Variants in FLNC observed in about 807,000 individuals in gnomAD.
The protein encoded by FLNC is filamin-C.
Under a neutral mutation model 254.3 loss-of-function variants are expected in FLNC, and 91 were observed. The ratio of observed to expected loss-of-function variants is 0.36; its 90% CI spans 0.30 to 0.43. The LOEUF (loss-of-function observed/expected upper bound fraction) is 0.43. Ranked by LOEUF, FLNC falls within the 20% of genes least tolerant of loss-of-function variation. The pLI, the probability that FLNC is intolerant of heterozygous loss-of-function variation, is 1.00. For synonymous variants in FLNC, 1,430 were observed against 1,577.2 expected, an observed-to-expected ratio of 0.91 and a Z score of 2.21; for missense variants, 2,853 against 3,802.6, an observed-to-expected ratio of 0.75 and a Z score of 6.57.
At position 128,856,844 on chromosome 7, in the gene FLNC, G is replaced by A. The variant is rs757219498; in HGVS notation, c.7484G>A (p.Arg2495His). 10 of 1,614,078 alleles carry A rather than the reference G, an allele frequency of 6.2e-6. No homozygotes were observed. The highest frequency in any genetic ancestry group is 1.7e-5 in the Admixed American group (1 of 60,014). The change falls in exon 45 of 48, where the codon CGC becomes CAC. Residue 2495 changes from arginine to histidine, a missense_variant. Arg to His is a conservative substitution (Grantham distance 29). Transcript: ENST00000325888. This position sits in a 1 kb window ranked among gnomAD's most constrained non-coding sequence, Gnocchi z 5.9. ...ATCCCTGGAAGTCCCTTCAAGATCC[G>A]CGTTGGGGAGCAGAGCCAGGCTGGG... is the stretch of plus-strand genomic sequence containing the variant. ...AHIPGSPFKI[R>H]VGEQSQAGDP... is the part of the protein sequence containing the mutation.
In FLNC at chr7:128,836,746, C is replaced by T. The variant is rs1226317353; in HGVS notation, c.602-414C>T. 1.3e-5 allele frequency among the ~76,000 whole-genome samples: 2 copies of T among 152,190 alleles called. No individual in the cohort carries two copies. Among genetic ancestry groups the T allele is most frequent in the South Asian group, 4.1e-4 (2 of 4,828 alleles). On this transcript the variant is annotated intron_variant, in intron 2 of 47. Coordinates refer to ENST00000325888, the MANE Select transcript of FLNC (RefSeq NM_001458.5). This position sits in a 1 kb window ranked among gnomAD's most constrained non-coding sequence, Gnocchi z 6.0. The stretch of plus-strand genomic sequence containing the variant: ...TTCGGGGCAGCTGTGAGGAGGCCTT[C>T]TAGGGGGGATGGGTCAGGGGCATAT...
intron 26 of FLNC, 135 bp downstream of exon 26, chr7:128,848,203 C>A: frequency 1.7e-6 from 2 of 1,144,800 alleles, no homozygotes; most frequent in Non-Finnish European, 1.3e-6. Context: ...CTCGCCACCC[C>A]ATCCCGCTCT....
In FLNC at chr7:128,854,574, G is replaced by T. The variant is rs1420394583; in HGVS notation, c.6889G>T (p.Val2297Leu). Residue 2297 changes from valine (V) to leucine (L), a missense_variant, in exon 41 of 48, where the codon GTG becomes TTG. By Grantham distance (32) the Val-to-Leu change is conservative (BLOSUM62 1). Coordinates refer to ENST00000325888, the MANE Select transcript of FLNC (RefSeq NM_001458.5). ...CGCTGTCAAGTACCGTGGCCAGCAC[G>T]TGCCCGGCAGCCCCTTTCAGTTCAC... ...TVAVKYRGQH[V>L]PGSPFQFTVG... is the part of the protein sequence containing the mutation. 1 of 1,609,364 alleles carries T rather than the reference G, an allele frequency of 6.2e-7. No individual in the cohort carries two copies. Among genetic ancestry groups the T allele is most frequent in the Non-Finnish European group, 8.5e-7 (1 of 1,178,366 alleles).
chr7:128,846,258 G>A (rs2128936828), intron 22 of FLNC, 43 bp from the exon 23 acceptor site: 2 of 1,612,930 alleles, frequency 1.2e-6, no homozygotes, highest in Middle Eastern at 1.6e-4. Context: ...GGGGTGGTGG[G>A]GGCGCACACT....
intron 1 of FLNC, among the ~76,000 whole-genome samples, chr7:128,834,577 G>T (rs1046811898): frequency 6.9e-6 from 1 of 145,726 alleles, no homozygotes; most frequent in Middle Eastern, 3.4e-3. Flanking sequence ...TCCAATTTCA[G>T]TTCTTAAAAT....
chr7:128,842,506 C>G lies in FLNC; in HGVS notation c.2266-69C>G, dbSNP rs1010307408. The G allele has an allele frequency of 1.9e-6, 3 of 1,556,208 alleles. No individual in the cohort carries two copies. Among genetic ancestry groups the G allele is most frequent in the Non-Finnish European group, 2.6e-6 (3 of 1,150,412 alleles). On this transcript the variant is annotated intron_variant, in intron 14 of 47. Coordinates refer to ENST00000325888, the MANE Select transcript of FLNC (RefSeq NM_001458.5). This position sits in a 1 kb window ranked among gnomAD's most constrained non-coding sequence, Gnocchi z 5.4. ...TTGGGCTGGTGCCACTGAGGCTGGGCCGGGTGCGCTGGGCAGGAGGATGAG... is the reference window on the plus strand; with the variant it reads ...TTGGGCTGGTGCCACTGAGGCTGGGGCGGGTGCGCTGGGCAGGAGGATGAG...
At position 128,841,255 on chromosome 7, in the gene FLNC, G is replaced by A. The variant is rs553903798; in HGVS notation, c.1899G>A (p.Thr633=). ...DGSCDVRYWP[T]EPGEYAVHVI... is the part of the protein sequence containing the mutation. ...CCTGCGATGTGCGGTACTGGCCCAC[G>A]GAGCCTGGGGAGTACGCTGTGCACG... The change falls in exon 12 of 48, where the codon ACG becomes ACA. Residue 633 remains threonine (T), a synonymous_variant. Transcript: ENST00000325888. The surrounding 1 kb of genome is among the most constrained non-coding windows in gnomAD (Gnocchi z 4.3). 25 of 1,614,084 alleles carry A rather than the reference G, an allele frequency of 1.5e-5. No homozygotes were observed. The highest frequency in any genetic ancestry group is 5.5e-5 in the South Asian group (5 of 91,086).
chr7:128,843,795 G>A lies in FLNC; in HGVS notation c.2812-1G>A. On this transcript the variant is annotated splice_acceptor_variant, in intron 18 of 47. Transcript: ENST00000325888. LOFTEE classifies it high-confidence loss of function. Reference sequence around the variant, plus strand: ...TTCTGACCTACCATTGTACCCAACAGGGCAACATGGCAGTGACAGTGACTT... The same window carrying A: ...TTCTGACCTACCATTGTACCCAACAAGGCAACATGGCAGTGACAGTGACTT... 1 of 1,613,756 alleles carries A rather than the reference G, an allele frequency of 6.2e-7. No individual in the cohort carries two copies. Among genetic ancestry groups the A allele is most frequent in the Non-Finnish European group, 8.5e-7 (1 of 1,179,706 alleles).
Position 128,849,216 on chromosome 7 carries a change from T to G in FLNC, c.4951+12T>G, listed in dbSNP as rs1808701401. 6.2e-7 allele frequency: 1 copy of G among 1,613,974 alleles called. No homozygotes were observed. Among genetic ancestry groups the G allele is most frequent in the Non-Finnish European group, 8.5e-7 (1 of 1,180,030 alleles). ...AGGCCATGGCCTGGGTGAGTGCCCT[T>G]TCTCTCCTCTTCTTGGTGTGGGCCA... On this transcript the variant is annotated intron_variant, in intron 29 of 47. Coordinates refer to ENST00000325888, the MANE Select transcript of FLNC (RefSeq NM_001458.5).
At chr7:128,845,355 C>A in intron 21 of FLNC, 100 bp downstream of exon 21, 1 of 983,736 alleles carries the variant, frequency 1.0e-6, no homozygotes, top group Non-Finnish European at 1.6e-6. Context: ...GGAAGAGCAA[C>A]CTGGGGTGAA....
chr7:128,846,928 G>T (rs2128937071), intron 24 of FLNC, 23 bp downstream of exon 24: 1 of 1,614,066 alleles, frequency 6.2e-7, no homozygotes, highest in Non-Finnish European at 8.5e-7. Flanking sequence ...AGTGGTCGGG[G>T]TCTCAGGGAA....
Position 128,846,925 on chromosome 7 carries a change from G to C in FLNC, c.4288+20G>C. 1 of 1,614,050 alleles carries C rather than the reference G, an allele frequency of 6.2e-7. No individual in the cohort carries two copies. Among genetic ancestry groups the C allele is most frequent in the Non-Finnish European group, 8.5e-7 (1 of 1,179,948 alleles). On this transcript the variant is annotated intron_variant, in intron 24 of 47. Coordinates refer to ENST00000325888, the MANE Select transcript of FLNC (RefSeq NM_001458.5). The stretch of plus-strand genomic sequence containing the variant: ...TCCCAGGTGTGCAGAGAGAGTGGTC[G>C]GGGTCTCAGGGAAGACAAGGGAGGG...
At position 128,840,645 on chromosome 7, in the gene FLNC, C is replaced by T. The variant is rs757709231; in HGVS notation, c.1647C>T (p.Ile549=). The change falls in exon 10 of 48, where the codon ATC becomes ATT. Residue 549 remains isoleucine, a synonymous_variant. Coordinates refer to ENST00000325888, the MANE Select transcript of FLNC (RefSeq NM_001458.5). The part of the protein sequence containing the change: ...PVVPGKYVVT[I]TWGGYAIPRS... Reference sequence around the variant, plus strand: ...TGCCTGGGAAGTATGTGGTGACCATCACGTGGGGCGGCTACGCCATCCCTC... The same window carrying T: ...TGCCTGGGAAGTATGTGGTGACCATTACGTGGGGCGGCTACGCCATCCCTC... The T allele has an allele frequency of 1.2e-6, 2 of 1,614,220 alleles. No homozygotes were observed. Among genetic ancestry groups the T allele is most frequent in the East Asian group, 2.2e-5 (1 of 44,884 alleles).
chr7:128,852,313 T>C (rs1452155077), intron 35 of FLNC, among the ~76,000 whole-genome samples: 2 of 152,212 alleles, frequency 1.3e-5, no homozygotes, highest in African/African-American at 2.4e-5. Flanking sequence ...CACAACATCA[T>C]GTGACTCAGG....
chr7:128,844,416 G>T, intron 20 of FLNC, 150 bp downstream of exon 20: 1 of 1,055,296 alleles, frequency 9.5e-7, no homozygotes, highest in Non-Finnish European at 1.3e-6. Context: ...CCCACCACCT[G>T]CCTTGGAGAC....
chr7:128,842,236 C>T lies in FLNC; in HGVS notation c.2127C>T (p.Ala709=), dbSNP rs753225379. 12 of 1,613,484 alleles carry T rather than the reference C, an allele frequency of 7.4e-6. No homozygotes were observed. The highest frequency in any genetic ancestry group is 1.3e-5 in the African/African-American group (1 of 74,916). The part of the protein sequence containing the change: ...KGDLKLYAQD[A]DGCPIDIKVI... Reference sequence around the variant, plus strand: ...TGCTTGGGTGATGCCCACAGGACGCCGACGGCTGTCCCATCGACATCAAGG... The same window carrying T: ...TGCTTGGGTGATGCCCACAGGACGCTGACGGCTGTCCCATCGACATCAAGG... The change falls in exon 14 of 48, where the codon GCC becomes GCT. Residue 709 remains alanine, a synonymous_variant. Transcript: ENST00000325888. This position sits in a 1 kb window ranked among gnomAD's most constrained non-coding sequence, Gnocchi z 5.4.
chr7:128,849,730 T>A, intron 30 of FLNC, 152 bp downstream of exon 30: 1 of 1,076,344 alleles, frequency 9.3e-7, no homozygotes, highest in Non-Finnish European at 1.4e-6. Flanking sequence ...GCCTTAACTT[T>A]CCCCACAGCA....
At chr7:128,849,057 C>A (rs1808693811) in intron 28 of FLNC, 75 bp downstream of exon 28, 12 of 1,586,646 alleles carry the variant, frequency 7.6e-6, no homozygotes, top group Non-Finnish European at 9.5e-6. Context: ...CTGGCCTGGT[C>A]CCCAGGGGTC....
rs200864007 is a variant in FLNC at position 128,844,129 on chromosome 7, G to T, written c.3055G>T (p.Gly1019Cys). The T allele has an allele frequency of 1.6e-5, 26 of 1,613,848 alleles. No homozygotes were observed. In the African/African-American group the frequency reaches 3.5e-4, roughly 22 times the overall value. ...RPIPCKLEPGGGAEAQAVRYM... is the reference protein window; with the variant it reads ...RPIPCKLEPGCGAEAQAVRYM... Reference sequence around the variant, plus strand: ...CATCCCCTGCAAGCTGGAGCCAGGCGGTGGAGCGGAAGCCCAGGCTGTGCG... The same window carrying T: ...CATCCCCTGCAAGCTGGAGCCAGGCTGTGGAGCGGAAGCCCAGGCTGTGCG... Residue 1019 changes from glycine to cysteine, a missense_variant, in exon 20 of 48, where the codon GGT becomes TGT. Physicochemically the swap from Gly to Cys is radical, Grantham distance 159. This residue lies in a region of FLNC where 1,573 missense variants were observed against 1,883.5 expected (regional missense o/e 0.84). Coordinates refer to ENST00000325888, the MANE Select transcript of FLNC (RefSeq NM_001458.5).
Sources: allele counts gnomAD v4.1 joint callset (sites outside exome capture counted in the v4.1 genomes callset), GRCh38; gene constraint gnomAD v4.1.1; regional missense constraint gnomAD v4.1.1; non-coding constraint Gnocchi (gnomAD v3.1); transcripts MANE v1.5; gene names NCBI Gene and HGNC (gene_info 2026-07-23, HGNC 2026-07-21).